Variants in SCRT1 observed in about 807,000 individuals in gnomAD.
SCRT1 encodes the protein scratch family transcriptional repressor 1.
A neutral mutation model predicts 3.4 loss-of-function variants in SCRT1; 1 was observed. The ratio of observed to expected loss-of-function variants is 0.29; its 90% CI spans 0.10 to 1.39. The LOEUF (loss-of-function observed/expected upper bound fraction) is 1.39, where lower values mean the gene tolerates loss of function less well. Among genes scored for constraint, SCRT1 ranks in the 40% most tolerant of loss-of-function variants. The pLI, the probability that SCRT1 is intolerant of heterozygous loss-of-function variation, is 0.42. For missense variants in SCRT1, 380 were observed against 526.3 expected (o/e 0.72, Z 2.72); for synonymous variants, 238 against 247.0 (o/e 0.96, Z 0.34).
In SCRT1 at chr8:144,330,806, A is replaced by G. The variant is rs2130562740; in HGVS notation, c.*2379T>C. 1 of 150,170 alleles carries G rather than the reference A, an allele frequency of 6.7e-6. No individual in the cohort carries two copies. The highest frequency in any genetic ancestry group is 2.5e-5 in the African/African-American group (1 of 40,584). The allele number at this position is 150,170 out of a possible 1,614,324, so 9.3% of individuals were successfully genotyped here. ...GGGCGGGCCGGCGGCCGCAGCCCCC[A>G]CCCGAGGGCCCCCGCACCTCGGGCC... is the stretch of plus-strand genomic sequence containing the variant. On this transcript the variant is annotated 3_prime_UTR_variant, in exon 2 of 2. Transcript: ENST00000569446.
rs979442692 is a variant in SCRT1, at chr8:144,335,545, C to T, written c.115+510G>A. On this transcript the variant is annotated intron_variant, in intron 1 of 1. Coordinates refer to ENST00000569446, the MANE Select transcript of SCRT1 (RefSeq NM_031309.6). This position sits in a 1 kb window ranked among gnomAD's most constrained non-coding sequence, Gnocchi z 7.7. Reference sequence around the variant, plus strand: ...CCTGACCCAGGCTTCAGGGAAGAGACTGCTGCTGCCTCTGCTGGCCCTCTG... The same window carrying T: ...CCTGACCCAGGCTTCAGGGAAGAGATTGCTGCTGCCTCTGCTGGCCCTCTG... Among the ~76,000 whole-genome samples, 3 of 152,354 alleles carry T rather than the reference C, an allele frequency of 2.0e-5. No homozygotes were observed. In the South Asian group the frequency reaches 6.2e-4, roughly 32 times the overall value.
At position 144,332,025 on chromosome 8, in the gene SCRT1, G is replaced by T. The variant is rs1343393769; in HGVS notation, c.*1160C>A. 1 of 149,144 alleles carries T rather than the reference G, an allele frequency of 6.7e-6. No individual in the cohort carries two copies. Among genetic ancestry groups the T allele is most frequent in the African/African-American group, 2.4e-5 (1 of 40,998 alleles). 9.2% of individuals were successfully genotyped at this position (149,144 alleles called of 1,614,324 possible). A position where few individuals can be genotyped will look rare whatever the true frequency, so the allele number is the denominator to read the frequency against. On this transcript the variant is annotated 3_prime_UTR_variant, in exon 2 of 2. Transcript: ENST00000569446. ...CATAGACGGGCGAAAGTTGGCAACC[G>T]AGTGGGGGCGGGGCCTGGGTCTCAG...
rs1200969942 is a variant in SCRT1 at position 144,335,793 on chromosome 8, G to A, written c.115+262C>T. Among the ~76,000 whole-genome samples the A allele has an allele frequency of 6.6e-5, 10 of 152,150 alleles. No individual in the cohort carries two copies. The highest frequency in any genetic ancestry group is 1.2e-4 in the Non-Finnish European group (8 of 68,026). On this transcript the variant is annotated intron_variant, in intron 1 of 1. Coordinates refer to ENST00000569446, the MANE Select transcript of SCRT1 (RefSeq NM_031309.6). The surrounding 1 kb of genome is among the most constrained non-coding windows in gnomAD (Gnocchi z 7.7). Reference sequence around the variant, plus strand: ...CTGTCCCAGCATGGGTCAGGATGTGGGTCCATGTGTGCGTTTGGGTACCTC... The same window carrying A: ...CTGTCCCAGCATGGGTCAGGATGTGAGTCCATGTGTGCGTTTGGGTACCTC...
rs1425228258 is a variant in SCRT1, at chr8:144,332,639, C to G, written c.*546G>C. On this transcript the variant is annotated 3_prime_UTR_variant, in exon 2 of 2. Transcript: ENST00000569446. The stretch of plus-strand genomic sequence containing the variant: ...GTCCGCCCCTCTCCCCGACCCACAA[C>G]GCGTCTAACACTGCCGGGAGTTCCG... 6.6e-6 allele frequency: 1 copy of G among 152,604 alleles called. No homozygotes were observed. Among genetic ancestry groups the G allele is most frequent in the Non-Finnish European group, 1.5e-5 (1 of 68,072 alleles). 9.5% of individuals were successfully genotyped at this position (152,604 alleles called of 1,614,324 possible). A position where few individuals can be genotyped will look rare whatever the true frequency, so the allele number is the denominator to read the frequency against.
At position 144,333,164 on chromosome 8, in the gene SCRT1, G is replaced by T. The variant is rs782394620; in HGVS notation, c.*21C>A. 1.8e-5 allele frequency: 27 copies of T among 1,484,850 alleles called. No homozygotes were observed. The East Asian group carries it at 3.9e-4, about 21-fold the overall frequency. 92.0% of individuals were successfully genotyped at this position (1,484,850 alleles called of 1,614,324 possible). Reference sequence around the variant, plus strand: ...GGCCGTATTGCTGAGAGCCGACCTGGCTGGGGGAGGCCCCGCCGCCCTAGG... The same window carrying T: ...GGCCGTATTGCTGAGAGCCGACCTGTCTGGGGGAGGCCCCGCCGCCCTAGG... On this transcript the variant is annotated 3_prime_UTR_variant, in exon 2 of 2. Coordinates refer to ENST00000569446, the MANE Select transcript of SCRT1 (RefSeq NM_031309.6).
In SCRT1 at chr8:144,333,932, G is replaced by A. The variant is rs1554850007; in HGVS notation, c.300C>T (p.Gly100=). 1 of 1,321,114 alleles carries A rather than the reference G, an allele frequency of 7.6e-7. No homozygotes were observed. Among genetic ancestry groups the A allele is most frequent in the East Asian group, 3.1e-5 (1 of 31,834 alleles). 81.8% of individuals were successfully genotyped at this position (1,321,114 alleles called of 1,614,324 possible). The change falls in exon 2 of 2, where the codon GGC becomes GGT. Residue 100 remains glycine, a synonymous_variant. Transcript: ENST00000569446. The part of the protein sequence containing the change: ...PRPELATAAG[G]YINGDAAVSE... ...TGACGGCCGCGTCGCCGTTGATGTA[G>A]CCGCCCGCAGCGGTGGCCAGCTCCG...
rs1183909152 is a variant in SCRT1, at chr8:144,332,488, G to A, written c.*697C>T. 3.3e-5 allele frequency: 5 copies of A among 152,576 alleles called. No homozygotes were observed. The highest frequency in any genetic ancestry group is 2.6e-4 in the Admixed American group (4 of 15,286). The allele number at this position is 152,576 out of a possible 1,614,324, so 9.5% of individuals were successfully genotyped here. A position where few individuals can be genotyped will look rare whatever the true frequency, so the allele number is the denominator to read the frequency against. On this transcript the variant is annotated 3_prime_UTR_variant, in exon 2 of 2. Coordinates refer to ENST00000569446, the MANE Select transcript of SCRT1 (RefSeq NM_031309.6). Reference sequence around the variant, plus strand: ...GATTCGATATGTGTCATTATTATTCGATATGGAGGACAGAGCCCGGGAAGC... The same window carrying A: ...GATTCGATATGTGTCATTATTATTCAATATGGAGGACAGAGCCCGGGAAGC...
Position 144,331,210 on chromosome 8 carries a change from G to T in SCRT1, c.*1975C>A, listed in dbSNP as rs555283957. On this transcript the variant is annotated 3_prime_UTR_variant, in exon 2 of 2. Coordinates refer to ENST00000569446, the MANE Select transcript of SCRT1 (RefSeq NM_031309.6). ...GGGGCAGCCACGCTTGCTGCTGGGG[G>T]TGAGGCTGGCCACACCATAGGCTAC... The T allele has an allele frequency of 1.3e-5, 2 of 152,488 alleles. No homozygotes were observed. Among genetic ancestry groups the T allele is most frequent in the East Asian group, 3.9e-4 (2 of 5,186 alleles). The allele number at this position is 152,488 out of a possible 1,614,324, so 9.4% of individuals were successfully genotyped here.
In SCRT1 at chr8:144,333,865, G is replaced by A; in HGVS notation, c.367C>T (p.Arg123Cys). ...GCATTGGAAGCCTTACGCCGCGAGC[G>A]CCCGTCGGTGATGAAGAAGGCGTCC... Reference protein sequence around the residue: ...AADAFFITDGRSRRKASNAGA... With the variant: ...AADAFFITDGCSRRKASNAGA... The change falls in exon 2 of 2, where the codon CGC (arginine) becomes TGC (cysteine). Residue 123 changes from arginine (R) to cysteine (C), a missense_variant. By Grantham distance (180) the Arg-to-Cys change is radical (BLOSUM62 -3). Transcript: ENST00000569446. The A allele has an allele frequency of 7.9e-7, 1 of 1,263,044 alleles. No individual in the cohort carries two copies. The highest frequency in any genetic ancestry group is 1.6e-5 in the African/African-American group (1 of 64,400). The allele number at this position is 1,263,044 out of a possible 1,614,324, so 78.2% of individuals were successfully genotyped here.
chr8:144,333,150 T>A lies in SCRT1; in HGVS notation c.*35A>T. 2 of 1,455,580 alleles carry A rather than the reference T, an allele frequency of 1.4e-6. No individual in the cohort carries two copies. The highest frequency in any genetic ancestry group is 5.0e-5 in the East Asian group (2 of 40,308). 90.2% of individuals were successfully genotyped at this position (1,455,580 alleles called of 1,614,324 possible). A position where few individuals can be genotyped will look rare whatever the true frequency, so the allele number is the denominator to read the frequency against. On this transcript the variant is annotated 3_prime_UTR_variant, in exon 2 of 2. Transcript: ENST00000569446. ...AGACTTCCCTGGGGGGCCGTATTGCTGAGAGCCGACCTGGCTGGGGGAGGC... is the reference window on the plus strand; with the variant it reads ...AGACTTCCCTGGGGGGCCGTATTGCAGAGAGCCGACCTGGCTGGGGGAGGC...
chr8:144,332,972 A>AGGG lies in SCRT1; in HGVS notation c.*210_*212dup. The AGGG allele has an allele frequency of 8.2e-6, 3 of 364,522 alleles. No individual in the cohort carries two copies. Among genetic ancestry groups the AGGG allele is most frequent in the Non-Finnish European group, 1.3e-5 (3 of 225,938 alleles). The allele number at this position is 364,522 out of a possible 1,614,324, so 22.6% of individuals were successfully genotyped here. A position where few individuals can be genotyped will look rare whatever the true frequency, so the allele number is the denominator to read the frequency against. ...CCGGGGGCACCCTGGAGGGGAGGGG[A>AGGG]GGGGGCTCGGGGTGGGTCTCCCCTC... On this transcript the variant is annotated 3_prime_UTR_variant, in exon 2 of 2. Transcript: ENST00000569446.
chr8:144,331,966 G>T lies in SCRT1; in HGVS notation c.*1219C>A, dbSNP rs1378343231. ...CACAAAGGCGGCGGCCAATGGGGCG[G>T]GCCCTTGGGGCGGGGTCGCCGCCGA... On this transcript the variant is annotated 3_prime_UTR_variant, in exon 2 of 2. Transcript: ENST00000569446. 6.6e-6 allele frequency: 1 copy of T among 152,052 alleles called. No homozygotes were observed. The highest frequency in any genetic ancestry group is 1.5e-5 in the Non-Finnish European group (1 of 68,028). 9.4% of individuals were successfully genotyped at this position (152,052 alleles called of 1,614,324 possible).
rs1295057010 is a variant in SCRT1 at position 144,330,835 on chromosome 8, C to T, written c.*2350G>A. 6.6e-6 allele frequency: 1 copy of T among 152,204 alleles called. No individual in the cohort carries two copies. Among genetic ancestry groups the T allele is most frequent in the Non-Finnish European group, 1.5e-5 (1 of 67,958 alleles). The allele number at this position is 152,204 out of a possible 1,614,324, so 9.4% of individuals were successfully genotyped here. Reference sequence around the variant, plus strand: ...GAGGGCCCCCGCACCTCGGGCCCTACTTGTAGAATCAGTACAAAATAGGTG... The same window carrying T: ...GAGGGCCCCCGCACCTCGGGCCCTATTTGTAGAATCAGTACAAAATAGGTG... On this transcript the variant is annotated 3_prime_UTR_variant, in exon 2 of 2. Coordinates refer to ENST00000569446, the MANE Select transcript of SCRT1 (RefSeq NM_031309.6).
In SCRT1 at chr8:144,336,214, T is replaced by C. The variant is rs782321677; in HGVS notation, c.-45A>G. 17 of 1,408,158 alleles carry C rather than the reference T, an allele frequency of 1.2e-5. No homozygotes were observed. In the Admixed American group the frequency reaches 1.4e-4, roughly 11 times the overall value. The allele number at this position is 1,408,158 out of a possible 1,614,324, so 87.2% of individuals were successfully genotyped here. On this transcript the variant is annotated 5_prime_UTR_variant, in exon 1 of 2. Coordinates refer to ENST00000569446, the MANE Select transcript of SCRT1 (RefSeq NM_031309.6). This position sits in a 1 kb window ranked among gnomAD's most constrained non-coding sequence, Gnocchi z 6.8. ...CGCTGTGGGCCTGCGGAGCCGGGGC[T>C]TGGGGGGGCTGCGGCGGCAGGGCCC... is the stretch of plus-strand genomic sequence containing the variant.
chr8:144,333,453 G>A lies in SCRT1; in HGVS notation c.779C>T (p.Pro260Leu), dbSNP rs1817826718. ...CGVCGKAFSR[P>L]WLLQGHMRSH... ...GCGCATGTGGCCCTGCAGCAGCCAG[G>A]GCCGCGAGAAGGCTTTGCCGCACAC... Residue 260 changes from proline to leucine, a missense_variant, in exon 2 of 2, where the codon CCC (proline) becomes CTC (leucine). Pro to Leu is a moderately conservative substitution (Grantham distance 98, BLOSUM62 -3). This residue lies in a region of SCRT1 where 56 missense variants were observed against 169.3 expected (regional missense o/e 0.33). Transcript: ENST00000569446. 1.2e-6 allele frequency: 2 copies of A among 1,602,118 alleles called. No individual in the cohort carries two copies. The highest frequency in any genetic ancestry group is 1.1e-5 in the South Asian group (1 of 90,142).
At position 144,333,411 on chromosome 8, in the gene SCRT1, T is replaced by C. The variant is rs782606795; in HGVS notation, c.821A>G (p.Lys274Arg). 2 of 1,604,790 alleles carry C rather than the reference T, an allele frequency of 1.2e-6. No homozygotes were observed. Among genetic ancestry groups the C allele is most frequent in the Non-Finnish European group, 1.7e-6 (2 of 1,177,206 alleles). Residue 274 changes from lysine (K) to arginine (R), a missense_variant, in exon 2 of 2, where the codon AAA becomes AGA. Around this residue, in one of 5 missense-constraint regions of SCRT1, gnomAD observed 56 missense variants for 169.3 expected, o/e 0.33. Transcript: ENST00000569446. ...GCCGCAGTGCGCGCAGCCGAAGGGT[T>C]TCTCGCCGGTGTGCGAGCGCATGTG... ...QGHMRSHTGE[K>R]PFGCAHCGKA...
chr8:144,334,268 G>A (rs1817852300), intron 1 of SCRT1, 152 bp from the exon 2 acceptor site: 1 of 595,640 alleles, frequency 1.7e-6, no homozygotes, highest in Non-Finnish European at 2.9e-6. Context: ...AGAGGAGGCC[G>A]AGGGACCGCC....
chr8:144,332,846 AAGG>A lies in SCRT1; in HGVS notation c.*336_*338del, dbSNP rs1248739560. ...CGATCCAGGGGCGCAGAGGCGGGAG[AAGG>A]AGGGCGCTCCCTACCTCACCTCACC... On this transcript the variant is annotated 3_prime_UTR_variant, in exon 2 of 2. Transcript: ENST00000569446. 8 of 241,944 alleles carry A rather than the reference AAGG, an allele frequency of 3.3e-5. No individual in the cohort carries two copies. The South Asian group carries it at 7.6e-4, about 23-fold the overall frequency. The allele number at this position is 241,944 out of a possible 1,614,324, so 15.0% of individuals were successfully genotyped here. A position where few individuals can be genotyped will look rare whatever the true frequency, so the allele number is the denominator to read the frequency against.
At position 144,332,400 on chromosome 8, in the gene SCRT1, G is replaced by A. The variant is rs1174373711; in HGVS notation, c.*785C>T. The A allele has an allele frequency of 1.7e-5, 2 of 114,576 alleles. No homozygotes were observed. The highest frequency in any genetic ancestry group is 3.5e-5 in the Non-Finnish European group (2 of 56,568). 7.1% of individuals were successfully genotyped at this position (114,576 alleles called of 1,614,324 possible). On this transcript the variant is annotated 3_prime_UTR_variant, in exon 2 of 2. Transcript: ENST00000569446. Reference sequence around the variant, plus strand: ...CAACACGAATGCCTGGGGTACGGGGGTGGGGGGTGGGGGCCCGGGGCAGGG... The same window carrying A: ...CAACACGAATGCCTGGGGTACGGGGATGGGGGGTGGGGGCCCGGGGCAGGG...
Sources: allele counts gnomAD v4.1 joint callset (sites outside exome capture counted in the v4.1 genomes callset), GRCh38; gene constraint gnomAD v4.1.1; regional missense constraint gnomAD v4.1.1; non-coding constraint Gnocchi (gnomAD v3.1); transcripts MANE v1.5; gene names NCBI Gene and HGNC (gene_info 2026-07-23, HGNC 2026-07-21).